SVEP1: variants seen among roughly 807,000 people sequenced by gnomAD.
SVEP1 encodes sushi, von Willebrand factor type A, EGF and pentraxin domain containing 1, also known as sushi, von Willebrand factor type A, EGF and pentraxin domain-containing protein 1.
A neutral mutation model predicts 367.3 loss-of-function variants in SVEP1; 164 were observed. The observed-to-expected ratio is 0.45, with a 90% CI of 0.39 to 0.51. The LOEUF is 0.51. Ranked by LOEUF, SVEP1 falls within the 20% of genes least tolerant of loss-of-function variation. The pLI is 0.00. For synonymous variants in SVEP1, 1,666 were observed against 1,611.6 expected (o/e 1.03, Z -0.81); for missense variants, 4,117 against 4,425.3 (o/e 0.93, Z 1.98).
chr9:110,423,425 G>C (rs886928958), intron 36 of SVEP1, among the ~76,000 whole-genome samples: 1 of 152,004 alleles, frequency 6.6e-6, no homozygotes, highest in Non-Finnish European at 1.5e-5. Flanking sequence ...CATAAGCAGT[G>C]ACTGCAGTTA....
Position 110,579,448 on chromosome 9 carries a change from G to A in SVEP1, c.96C>T (p.Phe32=). Reference sequence around the variant, plus strand: ...CGGGCGCGGTCTCGGGGAAGAGGCGGAAGCTGAAATTGCGCGACGGGGACA... The same window carrying A: ...CGGGCGCGGTCTCGGGGAAGAGGCGAAAGCTGAAATTGCGCGACGGGGACA... ...QQMSPSRNFS[F]RLFPETAPGA... is the part of the protein sequence containing the mutation. The change falls in exon 1 of 48, where the codon TTC becomes TTT. Residue 32 remains phenylalanine (F), a synonymous_variant. Transcript: ENST00000374469. This position sits in a 1 kb window ranked among gnomAD's most constrained non-coding sequence, Gnocchi z 5.3. 1 of 1,597,978 alleles carries A rather than the reference G, an allele frequency of 6.3e-7. No homozygotes were observed. Among genetic ancestry groups the A allele is most frequent in the Non-Finnish European group, 8.5e-7 (1 of 1,173,342 alleles).
At chr9:110,532,419 T>A (rs552677358) in intron 3 of SVEP1, among the ~76,000 whole-genome samples, 7 of 151,998 alleles carry the variant, frequency 4.6e-5, no homozygotes, top group Non-Finnish European at 1.0e-4. Context: ...GAAGGACTAG[T>A]AAGAAATGAA....
rs200614448 is a variant in SVEP1, at chr9:110,435,327, C to T, written c.4802G>A (p.Ser1601Asn). The T allele has an allele frequency of 1.7e-4, 279 of 1,613,490 alleles. 2 individuals are homozygous for T. The highest frequency in any genetic ancestry group is 6.7e-5 in the Admixed American group (4 of 59,998). ...AGGCCATGCTAACACGTTTCCTTTACTGAGTTCCTCTGGGCAGGAGGTAGC... is the reference window on the plus strand; with the variant it reads ...AGGCCATGCTAACACGTTTCCTTTATTGAGTTCCTCTGGGCAGGAGGTAGC... ...SLATSCPEELSKGNVLAWPDF... is the reference protein window; with the variant it reads ...SLATSCPEELNKGNVLAWPDF... Residue 1601 changes from serine to asparagine, a missense_variant, in exon 29 of 48, where the codon AGT becomes AAT. Coordinates refer to ENST00000374469, the MANE Select transcript of SVEP1 (RefSeq NM_153366.4).
intron 24 of SVEP1, among the ~76,000 whole-genome samples, chr9:110,447,795 G>A (rs954027294): frequency 6.6e-6 from 1 of 152,180 alleles, no homozygotes; most frequent in South Asian, 2.1e-4. Context: ...TATAACAAAT[G>A]TTCATAGCAG....
intron 36 of SVEP1, among the ~76,000 whole-genome samples, chr9:110,424,712 T>C (rs1715764628): frequency 6.6e-6 from 1 of 152,362 alleles, no homozygotes; most frequent in East Asian, 1.9e-4. Context: ...TTCGCTCTTG[T>C]TGCCTAGGCT....
At chr9:110,381,965 G>A (rs1298085653) in intron 43 of SVEP1, among the ~76,000 whole-genome samples, 4 of 151,974 alleles carry the variant, frequency 2.6e-5, no homozygotes, top group Non-Finnish European at 2.9e-5. Flanking sequence ...TTTGATCTTC[G>A]CTGGTTTAAA....
At position 110,429,050 on chromosome 9, in the gene SVEP1, C is replaced by A. The variant is rs766132502; in HGVS notation, c.5807+93G>T. 1.3e-3 allele frequency: 1,352 copies of A among 1,080,436 alleles called. 5 individuals are homozygous for A. The highest frequency in any genetic ancestry group is 1.5e-3 in the South Asian group (80 of 53,160). 66.9% of individuals were successfully genotyped at this position (1,080,436 alleles called of 1,614,324 possible). On this transcript the variant is annotated intron_variant, in intron 35 of 47. Coordinates refer to ENST00000374469, the MANE Select transcript of SVEP1 (RefSeq NM_153366.4). ...CGCCACTGCACTCTAGCCTGAGTGT[C>A]ACAGTGAGACCATGTCTCAAAAAAA...
At chr9:110,457,410 G>A in intron 20 of SVEP1, 58 bp from the exon 21 acceptor site, 1 of 1,356,938 alleles carries the variant, frequency 7.4e-7, no homozygotes, top group Non-Finnish European at 1.0e-6. Flanking sequence ...TTTCAAAGCA[G>A]TCCTGATTAG....
intron 43 of SVEP1, among the ~76,000 whole-genome samples, chr9:110,383,291 CTTTG>C (rs1392996325): frequency 6.6e-6 from 1 of 151,988 alleles, no homozygotes; most frequent in Non-Finnish European, 1.5e-5. Context: ...GCTGCTTTCT[CTTTG>C]TTTTTCTTTT....
At chr9:110,553,841 G>A (rs530092143) in intron 1 of SVEP1, among the ~76,000 whole-genome samples, 2 of 152,114 alleles carry the variant, frequency 1.3e-5, no homozygotes, top group African/African-American at 2.4e-5. Context: ...CCAGTTGCTC[G>A]AGCAAAAACC....
intron 30 of SVEP1, among the ~76,000 whole-genome samples, chr9:110,433,958 G>A (rs1398524373): frequency 6.6e-6 from 1 of 152,138 alleles, no homozygotes; most frequent in Non-Finnish European, 1.5e-5. Flanking sequence ...CTAGATCAGT[G>A]CCTAGCACAT....
At chr9:110,541,795 CTATA>C (rs962173829) in intron 3 of SVEP1, among the ~76,000 whole-genome samples, 11 of 142,014 alleles carry the variant, frequency 7.7e-5, no homozygotes, top group Admixed American at 4.3e-4. Context: ...ACATAGATAT[CTATA>C]TATATCTATA....
At chr9:110,377,483 G>A in intron 44 of SVEP1, 117 bp from the exon 45 acceptor site, 2 of 897,202 alleles carry the variant, frequency 2.2e-6, no homozygotes, top group Middle Eastern at 2.3e-4. Context: ...TTCAGGAAGA[G>A]AGACAAAAAT....
In SVEP1 at chr9:110,434,666, T is replaced by TAAAAAAAAAAAAAAAAAAAAAAAAAAAAA. The variant is rs71371668; in HGVS notation, c.4889-161_4889-160insTTTTTTTTTTTTTTTTTTTTTTTTTTTTT. Among the ~76,000 whole-genome samples the TAAAAAAAAAAAAAAAAAAAAAAAAAAAAA allele has an allele frequency of 4.2e-4, 17 of 40,628 alleles. 5 individuals are homozygous for TAAAAAAAAAAAAAAAAAAAAAAAAAAAAA. Among genetic ancestry groups the TAAAAAAAAAAAAAAAAAAAAAAAAAAAAA allele is most frequent in the Admixed American group, 7.1e-4 (2 of 2,834 alleles). The allele number at this position is 40,628 out of a possible 152,430, so 26.7% of individuals were successfully genotyped here. ...CCAGATCACTGGCAAGCAAAATCAC[T>TAAAAAAAAAAAAAAAAAAAAAAAAAAAAA]AAAAAAAAAAAAAAAAAAAAGCATT... On this transcript the variant is annotated intron_variant, in intron 29 of 47. Transcript: ENST00000374469.
chr9:110,577,683 C>G (rs1183334773), intron 1 of SVEP1, among the ~76,000 whole-genome samples: 1 of 151,654 alleles, frequency 6.6e-6, no homozygotes, highest in African/African-American at 2.4e-5. Context: ...AAAACATTTG[C>G]AACATATACA....
chr9:110,511,334 A>G (rs150212032), intron 5 of SVEP1, among the ~76,000 whole-genome samples: 42 of 152,140 alleles, frequency 2.8e-4, no homozygotes, highest in African/African-American at 9.6e-4. Context: ...CCTCACGTGA[A>G]AAGAGTCTAT....
In SVEP1 at chr9:110,451,364, T is replaced by C. The variant is rs764165136; in HGVS notation, c.3826A>G (p.Ser1276Gly). The change falls in exon 23 of 48, where the codon AGT becomes GGT. Residue 1276 changes from serine to glycine, a missense_variant. Around this residue, in one of 4 missense-constraint regions of SVEP1, gnomAD observed 2,174 missense variants for 2,494.3 expected, o/e 0.87. Coordinates refer to ENST00000374469, the MANE Select transcript of SVEP1 (RefSeq NM_153366.4). ...CAGATTCCTTTATTTAAACAAGGAC[T>C]GGAGCTACACTCATTTATATTTTCT... The part of the protein sequence containing the change: ...CEENINECSS[S>G]PCLNKGICVD... The C allele has an allele frequency of 3.7e-6, 6 of 1,613,748 alleles. No individual in the cohort carries two copies. The South Asian group carries it at 6.6e-5, about 18-fold the overall frequency.
chr9:110,492,546 T>C (rs1829383692), intron 8 of SVEP1, among the ~76,000 whole-genome samples: 1 of 151,940 alleles, frequency 6.6e-6, no homozygotes, highest in South Asian at 2.1e-4. Context: ...GCAGCTACAG[T>C]CCTAAAGCTC....
intron 26 of SVEP1, 117 bp from the exon 27 acceptor site, chr9:110,443,837 A>G (rs1396234053): frequency 1.2e-6 from 1 of 835,642 alleles, no homozygotes; most frequent in African/African-American, 1.8e-5. Flanking sequence ...TACTTTGTGT[A>G]AATCCATTAC....
Sources: allele counts gnomAD v4.1 joint callset (sites outside exome capture counted in the v4.1 genomes callset), GRCh38; gene constraint gnomAD v4.1.1; regional missense constraint gnomAD v4.1.1; non-coding constraint Gnocchi (gnomAD v3.1); transcripts MANE v1.5; gene names NCBI Gene and HGNC (gene_info 2026-07-23, HGNC 2026-07-21).